ANKRD11: variants seen among roughly 807,000 people sequenced by gnomAD.
ANKRD11 encodes ankyrin repeat domain-containing protein 11.
Under a neutral mutation model 195.7 loss-of-function variants are expected in ANKRD11, and 17 were observed. The observed-to-expected ratio is 0.09, with a 90% confidence interval of 0.06 to 0.13. ANKRD11 has a LOEUF of 0.13. Among genes scored for constraint, ANKRD11 ranks in the 10% least tolerant of loss-of-function variants. The pLI is 1.00. For synonymous variants in ANKRD11, 1,953 were observed against 1,528.1 expected (o/e 1.28, Z -6.49); for missense variants, 3,735 against 3,566.1 (o/e 1.05, Z -1.21).
At chr16:89,405,583 C>G (rs1040652307) in intron 2 of ANKRD11, among the ~76,000 whole-genome samples, 4 of 151,808 alleles carry the variant, frequency 2.6e-5, no homozygotes, top group Admixed American at 2.0e-4. Flanking sequence ...ATCCTCCCGC[C>G]TCAGCCTCCC....
intron 2 of ANKRD11, among the ~76,000 whole-genome samples, chr16:89,394,729 G>A (rs1030015677): frequency 2.5e-4 from 38 of 152,122 alleles, no homozygotes; most frequent in Middle Eastern, 6.8e-3. Flanking sequence ...TACAGGAGTC[G>A]TGTTTTATGA....
chr16:89,310,672 A>C (rs985769880), intron 3 of ANKRD11, among the ~76,000 whole-genome samples: 1 of 152,332 alleles, frequency 6.6e-6, no homozygotes, highest in African/African-American at 2.4e-5. Context: ...TCTTCGGTCA[A>C]ATTTACCCCA....
intron 1 of ANKRD11, among the ~76,000 whole-genome samples, chr16:89,444,614 T>C (rs781132499): frequency 3.4e-4 from 51 of 152,216 alleles, no homozygotes; most frequent in Non-Finnish European, 6.5e-4. Context: ...AAAGCTATCA[T>C]GAGCCCCTTC....
intron 2 of ANKRD11, among the ~76,000 whole-genome samples, chr16:89,361,036 G>C (rs1447641103): frequency 2.6e-5 from 4 of 152,184 alleles, no homozygotes; most frequent in African/African-American, 9.6e-5. Context: ...AACCTGGGCA[G>C]CCCTGGGCTC....
chr16:89,303,571 C>T (rs548884689), intron 4 of ANKRD11, among the ~76,000 whole-genome samples: 1 of 152,190 alleles, frequency 6.6e-6, no homozygotes, highest in Non-Finnish European at 1.5e-5. Context: ...GCCTTCCTGT[C>T]CCCAGATGTG....
At chr16:89,463,205 G>A (rs1341683366) in intron 1 of ANKRD11, among the ~76,000 whole-genome samples, 1 of 152,262 alleles carries the variant, frequency 6.6e-6, no homozygotes, top group Non-Finnish European at 1.5e-5. Context: ...GGGCCATGAT[G>A]ACAGTGGCGG....
intron 1 of ANKRD11, among the ~76,000 whole-genome samples, chr16:89,437,829 C>T (rs1241117335): frequency 1.3e-5 from 2 of 152,212 alleles, no homozygotes; most frequent in African/African-American, 4.8e-5. Flanking sequence ...CTCCAGGGCA[C>T]CTCGACGCTA....
At position 89,285,888 on chromosome 16, in the gene ANKRD11, C is replaced by G; in HGVS notation, c.892+151G>C. The G allele has an allele frequency of 8.0e-7, 1 of 1,255,446 alleles. No individual in the cohort carries two copies. 77.8% of individuals were successfully genotyped at this position (1,255,446 alleles called of 1,614,324 possible). ...TGCAGGCTTCTCGGCAGTGACACACCTGGGCGGGGTCTCCCGCAGTCCAGA... is the reference window on the plus strand; with the variant it reads ...TGCAGGCTTCTCGGCAGTGACACACGTGGGCGGGGTCTCCCGCAGTCCAGA... On this transcript the variant is annotated intron_variant, in intron 8 of 12. Transcript: ENST00000301030. This position sits in a 1 kb window ranked among gnomAD's most constrained non-coding sequence, Gnocchi z 5.6.
intron 2 of ANKRD11, among the ~76,000 whole-genome samples, chr16:89,351,512 C>T (rs928927729): frequency 4.6e-5 from 7 of 152,072 alleles, no homozygotes; most frequent in Non-Finnish European, 8.8e-5. Flanking sequence ...AAAGAGGATC[C>T]TAGCGAACTT....
intron 3 of ANKRD11, among the ~76,000 whole-genome samples, chr16:89,306,228 G>GCAGACACGCGCCACCTACCTCCCACTCCA (rs2036225801): frequency 1.7e-5 from 1 of 60,028 alleles, no homozygotes; most frequent in Non-Finnish European, 3.0e-5. Context: ...CTCCCACTCC[G>GCAGACACGCGCCACCTACCTCCCACTCCA]CAGACACGCG....
chr16:89,278,924 AGTG>A, intron 9 of ANKRD11, 145 bp downstream of exon 9: 1 of 1,307,342 alleles, frequency 7.6e-7, no homozygotes, highest in Non-Finnish European at 1.1e-6. Flanking sequence ...CCACAGCAGA[AGTG>A]GGGCTGTGTC....
At chr16:89,428,960 G>T (rs2042848940) in intron 1 of ANKRD11, among the ~76,000 whole-genome samples, 1 of 152,052 alleles carries the variant, frequency 6.6e-6, no homozygotes, top group East Asian at 1.9e-4. Context: ...TTTTAATTTA[G>T]AATGTGAGCC....
intron 2 of ANKRD11, among the ~76,000 whole-genome samples, chr16:89,334,777 C>T (rs1362512925): frequency 1.3e-5 from 2 of 152,134 alleles, no homozygotes; most frequent in Non-Finnish European, 2.9e-5. Flanking sequence ...TGCAAAAAGC[C>T]CACCCACGTG....
At chr16:89,268,732 A>G in intron 12 of ANKRD11, 69 bp from the exon 13 acceptor site, 1 of 1,525,310 alleles carries the variant, frequency 6.6e-7, no homozygotes, top group South Asian at 1.2e-5. Context: ...TGCCGACCTC[A>G]GCTGCCAGCA....
At chr16:89,320,599 G>C (rs961045112) in intron 2 of ANKRD11, among the ~76,000 whole-genome samples, 1 of 152,166 alleles carries the variant, frequency 6.6e-6, no homozygotes, top group Non-Finnish European at 1.5e-5. Flanking sequence ...TGGACTGTCA[G>C]GGTCACCGAG....
At position 89,279,756 on chromosome 16, in the gene ANKRD11, G is replaced by C. The variant is rs768698196; in HGVS notation, c.6786C>G (p.Gly2262=). 7.9e-6 allele frequency: 12 copies of C among 1,523,702 alleles called. No homozygotes were observed. In the Admixed American group the frequency reaches 7.9e-5, roughly 10 times the overall value. 94.4% of individuals were successfully genotyped at this position (1,523,702 alleles called of 1,614,324 possible). ...GGGCACAGAGGGACGCGGCGGGGGG[G>C]CCTTCAGCCTCAGCCCCCTGGTCTC... The part of the protein sequence containing the change: ...GSGDQGAEAE[G]PPAASLCAPD... Residue 2262 remains glycine (G), a synonymous_variant, in exon 9 of 13, where the codon GGC becomes GGG. Transcript: ENST00000301030. This position sits in a 1 kb window ranked among gnomAD's most constrained non-coding sequence, Gnocchi z 5.6.
intron 2 of ANKRD11, among the ~76,000 whole-genome samples, chr16:89,389,884 G>A (rs1284356234): frequency 5.2e-5 from 7 of 133,652 alleles, no homozygotes; most frequent in African/African-American, 1.5e-4. Context: ...GGCGAACACC[G>A]AGTGTGGCGG....
chr16:89,280,257 C>T lies in ANKRD11; in HGVS notation c.6285G>A (p.Leu2095=), dbSNP rs1368821770. 30 of 1,608,788 alleles carry T rather than the reference C, an allele frequency of 1.9e-5. No individual in the cohort carries two copies. Among genetic ancestry groups the T allele is most frequent in the Non-Finnish European group, 2.5e-5 (30 of 1,179,474 alleles). ...CVAAVAQVEA[L]GPLENSFLDG... ...CCAGGAAGCTATTTTCCAGGGGCCC[C>T]AGAGCCTCCACCTGAGCCACAGCGG... Residue 2095 remains leucine, a synonymous_variant, in exon 9 of 13, where the codon CTG becomes CTA. Coordinates refer to ENST00000301030, the MANE Select transcript of ANKRD11 (RefSeq NM_013275.6).
At chr16:89,475,976 C>G (rs2057244969) in intron 1 of ANKRD11, among the ~76,000 whole-genome samples, 1 of 150,730 alleles carries the variant, frequency 6.6e-6, no homozygotes, top group South Asian at 2.1e-4. Flanking sequence ...TGCTTGAAAC[C>G]GGGAGGTGGA....
Sources: allele counts gnomAD v4.1 joint callset (sites outside exome capture counted in the v4.1 genomes callset), GRCh38; gene constraint gnomAD v4.1.1; non-coding constraint Gnocchi (gnomAD v3.1); transcripts MANE v1.5; gene names NCBI Gene and HGNC (gene_info 2026-07-23, HGNC 2026-07-21).